The following ETV1 variants were observed in gnomAD, a reference collection of about 807,000 sequenced individuals.
ETV1 encodes ETS translocation variant 1.
A neutral mutation model predicts 62.3 loss-of-function variants in ETV1; 27 were observed. The ratio of observed to expected loss-of-function variants is 0.43; its 90% CI spans 0.32 to 0.60. The LOEUF (loss-of-function observed/expected upper bound fraction) is 0.60. Among genes scored for constraint, ETV1 ranks in the 20% least tolerant of loss-of-function variants. The pLI is 0.06. For missense variants in ETV1, 605 were observed against 605.8 expected (o/e 1.00, Z 0.01); for synonymous variants, 222 against 199.6 (o/e 1.11, Z -0.94).
intron 6 of ETV1, among the ~76,000 whole-genome samples, chr7:13,947,713 T>A (rs1788337806): frequency 6.6e-6 from 1 of 152,254 alleles, no homozygotes; most frequent in Non-Finnish European, 1.5e-5. Flanking sequence ...TATCACATTA[T>A]ATGAGATTTT....
chr7:13,897,895 G>T (rs1782007605), intron 13 of ETV1, among the ~76,000 whole-genome samples: 1 of 152,138 alleles, frequency 6.6e-6, no homozygotes, highest in Admixed American at 6.5e-5. Context: ...TTGGGGCTGT[G>T]GAGGAAGATA....
At chr7:13,950,645 T>G (rs187325730) in intron 6 of ETV1, among the ~76,000 whole-genome samples, 37 of 152,220 alleles carry the variant, frequency 2.4e-4, no homozygotes, top group Admixed American at 1.8e-3. Flanking sequence ...CCATAACATC[T>G]TAATAGAAGA....
intron 4 of ETV1, chr7:13,986,913 A>T: frequency 2.2e-6 from 1 of 461,230 alleles, no homozygotes; most frequent in Non-Finnish European, 3.8e-6. Context: ...CTAAAGAATA[A>T]AGTCAATCAT....
intron 8 of ETV1, among the ~76,000 whole-genome samples, chr7:13,935,237 G>C (rs1433126894): frequency 6.6e-6 from 1 of 152,152 alleles, no homozygotes; most frequent in East Asian, 1.9e-4. Flanking sequence ...ACCTGGAAAA[G>C]ATGGTCAACA....
intron 9 of ETV1, among the ~76,000 whole-genome samples, chr7:13,915,621 T>C (rs1583612883): frequency 6.6e-6 from 1 of 152,208 alleles, no homozygotes; most frequent in Admixed American, 6.5e-5. Flanking sequence ...TTTATGCAGA[T>C]GTGTTTAAAT....
rs868015176 is a variant in ETV1, at chr7:13,911,999, G to T, written c.803-692C>A. Among the ~76,000 whole-genome samples the T allele has an allele frequency of 2.6e-5, 4 of 152,304 alleles. No individual in the cohort carries two copies. In the Middle Eastern group the frequency reaches 0.014, roughly 518 times the overall value. On this transcript the variant is annotated intron_variant, in intron 9 of 13. Transcript: ENST00000430479. Reference sequence around the variant, plus strand: ...CCCAGACGTAAGGTCCCTTAAAGCAGCTGGGACTGGAAGGGACAGTGTTAA... The same window carrying T: ...CCCAGACGTAAGGTCCCTTAAAGCATCTGGGACTGGAAGGGACAGTGTTAA...
chr7:13,981,433 T>C (rs1204813542), intron 5 of ETV1, among the ~76,000 whole-genome samples: 2 of 152,074 alleles, frequency 1.3e-5, no homozygotes, highest in Non-Finnish European at 2.9e-5. Context: ...AACACACCAA[T>C]TTTATTGCTC....
At chr7:13,905,208 C>G (rs1278306522) in intron 12 of ETV1, among the ~76,000 whole-genome samples, 1 of 151,918 alleles carries the variant, frequency 6.6e-6, no homozygotes, top group Non-Finnish European at 1.5e-5. Context: ...GGCATATTAT[C>G]TGATTATAGT....
chr7:13,973,208 CT>C (rs1228722645), intron 6 of ETV1, among the ~76,000 whole-genome samples: 1 of 152,166 alleles, frequency 6.6e-6, no homozygotes, highest in Non-Finnish European at 1.5e-5. Flanking sequence ...CTCTCTTAAC[CT>C]TCATTTACCA....
chr7:13,948,545 G>T (rs13244049), intron 6 of ETV1, among the ~76,000 whole-genome samples: 16 of 152,034 alleles, frequency 1.1e-4, no homozygotes, highest in African/African-American at 3.6e-4. Context: ...ACAGCTCATG[G>T]GCCACATCCG....
At chr7:13,900,561 C>T in intron 13 of ETV1, 177 bp downstream of exon 13, 1 of 540,568 alleles carries the variant, frequency 1.8e-6, no homozygotes, top group African/African-American at 1.9e-5. Flanking sequence ...CATTTGTCTA[C>T]AATGTCTAGG....
intron 5 of ETV1, among the ~76,000 whole-genome samples, chr7:13,980,928 A>G (rs1781918002): frequency 6.6e-6 from 1 of 151,004 alleles, no homozygotes; most frequent in African/African-American, 2.4e-5. Flanking sequence ...TGCCTTAGAG[A>G]TGGGTAATTT....
chr7:13,953,440 T>C (rs954437499), intron 6 of ETV1, among the ~76,000 whole-genome samples: 65 of 152,284 alleles, frequency 4.3e-4, no homozygotes, highest in African/African-American at 1.5e-3. Flanking sequence ...AATTCTGTAG[T>C]TTGTTTCAAA....
chr7:13,959,722 A>G (rs1204826826), intron 6 of ETV1, among the ~76,000 whole-genome samples: 2 of 151,830 alleles, frequency 1.3e-5, no homozygotes, highest in African/African-American at 4.8e-5. Context: ...TGTCTCTACT[A>G]AAAATACAAA....
chr7:13,895,701 T>A lies in ETV1; in HGVS notation c.*165A>T, dbSNP rs150539944. On this transcript the variant is annotated 3_prime_UTR_variant, in exon 14 of 14. Coordinates refer to ENST00000430479, the MANE Select transcript of ETV1 (RefSeq NM_004956.5). ...ACCCACCCTCAAATAAAGTGCACAG[T>A]CCATGGCAGACCATAGAATAATGCA... 2.0e-4 allele frequency: 122 copies of A among 625,308 alleles called. No individual in the cohort carries two copies. The highest frequency in any genetic ancestry group is 3.1e-4 in the Non-Finnish European group (111 of 355,242). 38.7% of individuals were successfully genotyped at this position (625,308 alleles called of 1,614,324 possible).
chr7:13,975,396 A>G (rs1781328345), intron 6 of ETV1, among the ~76,000 whole-genome samples: 1 of 152,028 alleles, frequency 6.6e-6, no homozygotes, highest in Non-Finnish European at 1.5e-5. Context: ...AAGACAAAAA[A>G]TTAGCTGGGA....
At chr7:13,958,789 C>T (rs561887735) in intron 6 of ETV1, 1 of 152,250 alleles carries the variant, frequency 6.6e-6, no homozygotes, top group South Asian at 2.1e-4. Flanking sequence ...ATAGTTTCTA[C>T]TAAATAAGGA....
chr7:13,949,268 C>A (rs943457126), intron 6 of ETV1, among the ~76,000 whole-genome samples: 1 of 152,016 alleles, frequency 6.6e-6, no homozygotes, highest in East Asian at 1.9e-4. Context: ...ATGCACACAG[C>A]CTTTTATACA....
At chr7:13,946,013 G>A (rs1788117660) in intron 6 of ETV1, among the ~76,000 whole-genome samples, 1 of 152,202 alleles carries the variant, frequency 6.6e-6, no homozygotes, top group Admixed American at 6.5e-5. Context: ...TCCTTGCTGA[G>A]TCTGGAACAG....
Sources: allele counts gnomAD v4.1 joint callset (sites outside exome capture counted in the v4.1 genomes callset), GRCh38; gene constraint gnomAD v4.1.1; transcripts MANE v1.5; gene names NCBI Gene and HGNC (gene_info 2026-07-23, HGNC 2026-07-21).